KCNQ5: variants seen among roughly 807,000 people sequenced by gnomAD.
The protein encoded by KCNQ5 is potassium voltage-gated channel subfamily KQT member 5.
In KCNQ5, 30 loss-of-function variants were observed where a neutral mutation model predicts 98.2. That is an observed-to-expected ratio of 0.31 (90% CI 0.23 to 0.41). The LOEUF (loss-of-function observed/expected upper bound fraction) is 0.41. KCNQ5 is among the 10% of genes least tolerant of loss of function. The pLI is 1.00. For synonymous variants in KCNQ5, 458 were observed against 449.4 expected, an observed-to-expected ratio of 1.02 and a Z score of -0.24; for missense variants, 835 against 1,182.5, an observed-to-expected ratio of 0.71 and a Z score of 4.31.
intron 1 of KCNQ5, among the ~76,000 whole-genome samples, chr6:72,701,069 C>T (rs962748987): frequency 6.6e-6 from 1 of 152,094 alleles, no homozygotes; most frequent in African/African-American, 2.4e-5. Context: ...GACTTTAATA[C>T]CAGAGATATG....
intron 1 of KCNQ5, among the ~76,000 whole-genome samples, chr6:72,790,511 T>C (rs1197122733): frequency 6.6e-6 from 1 of 152,168 alleles, no homozygotes; most frequent in African/African-American, 2.4e-5. Context: ...GAAAGGGTAG[T>C]GATGGGTGCG....
At chr6:72,880,362 G>A (rs1262106571) in intron 1 of KCNQ5, among the ~76,000 whole-genome samples, 1 of 152,144 alleles carries the variant, frequency 6.6e-6, no homozygotes. Flanking sequence ...TGGTGGAAGG[G>A]GCGAGGGGTC....
chr6:72,834,601 T>G (rs1776422747), intron 1 of KCNQ5, among the ~76,000 whole-genome samples: 1 of 152,224 alleles, frequency 6.6e-6, no homozygotes, highest in East Asian at 1.9e-4. Context: ...ATAAGAAGAC[T>G]GAAGCACAAT....
chr6:72,706,540 C>T (rs1292604589), intron 1 of KCNQ5, among the ~76,000 whole-genome samples: 1 of 151,968 alleles, frequency 6.6e-6, no homozygotes, highest in Non-Finnish European at 1.5e-5. Flanking sequence ...CAATCTGGAA[C>T]TATTTGTTTC....
chr6:73,145,841 C>T (rs542730899), intron 10 of KCNQ5, among the ~76,000 whole-genome samples: 77 of 152,278 alleles, frequency 5.1e-4, no homozygotes, highest in Non-Finnish European at 8.7e-4. Context: ...ACAGGAAGCA[C>T]GCCTGGGATG....
chr6:73,192,807 A>G, intron 13 of KCNQ5, 116 bp downstream of exon 13: 1 of 944,728 alleles, frequency 1.1e-6, no homozygotes. Context: ...TCACAAAAAG[A>G]GTGAATAAAA....
rs113747080 is a variant in KCNQ5 at position 72,653,860 on chromosome 6, T to A, written c.398+31273T>A. Among the ~76,000 whole-genome samples, 220 of 152,216 alleles carry A rather than the reference T, an allele frequency of 1.4e-3. 1 individual carries two copies. Among genetic ancestry groups the A allele is most frequent in the African/African-American group, 5.1e-3 (210 of 41,566 alleles). On this transcript the variant is annotated intron_variant, in intron 1 of 13. Coordinates refer to ENST00000370398, the MANE Select transcript of KCNQ5 (RefSeq NM_019842.4). ...CATATTTGGATATCAGATAGTTTCA[T>A]ATCAAATTACATATCTTTGTACTCA...
At chr6:72,954,754 G>A (rs1218235418) in intron 1 of KCNQ5, among the ~76,000 whole-genome samples, 1 of 152,158 alleles carries the variant, frequency 6.6e-6, no homozygotes, top group Non-Finnish European at 1.5e-5. Context: ...GGCAGAATAA[G>A]TTAGTTTAAA....
At chr6:72,830,831 C>G (rs755969979) in intron 1 of KCNQ5, among the ~76,000 whole-genome samples, 3 of 152,116 alleles carry the variant, frequency 2.0e-5, no homozygotes, top group African/African-American at 7.2e-5. Context: ...TTGCAATCTA[C>G]TCATCTGACA....
intron 1 of KCNQ5, among the ~76,000 whole-genome samples, chr6:72,814,704 C>A (rs1447387014): frequency 1.3e-5 from 2 of 152,180 alleles, no homozygotes; most frequent in African/African-American, 4.8e-5. Context: ...AGCCTAGAGA[C>A]ATAGTCTCAG....
intron 9 of KCNQ5, among the ~76,000 whole-genome samples, chr6:73,126,748 A>C (rs1323997852): frequency 6.6e-6 from 1 of 152,178 alleles, no homozygotes; most frequent in Non-Finnish European, 1.5e-5. Flanking sequence ...ACTATTACTT[A>C]GCCTAGATTC....
At chr6:73,134,075 G>A (rs1776358257) in intron 10 of KCNQ5, 1 of 452,742 alleles carries the variant, frequency 2.2e-6, no homozygotes, top group African/African-American at 2.0e-5. Context: ...AACAATGAAG[G>A]TGCTCTTTCC....
intron 1 of KCNQ5, among the ~76,000 whole-genome samples, chr6:72,751,596 T>C (rs1013200632): frequency 1.2e-4 from 19 of 152,114 alleles, no homozygotes; most frequent in Admixed American, 7.9e-4. Context: ...ATCACTTTAA[T>C]ATAGCTCATC....
chr6:72,971,587 G>C (rs1030295871), intron 1 of KCNQ5, among the ~76,000 whole-genome samples: 2 of 152,168 alleles, frequency 1.3e-5, no homozygotes, highest in African/African-American at 2.4e-5. Context: ...CAAAGACCTG[G>C]AACCAACTCA....
chr6:72,622,514 C>A lies in KCNQ5; in HGVS notation c.325C>A (p.Arg109=). ...GAGCTGCCGGCGCAACGTCAAGTAC[C>A]GGCGGGTGCAGAACTACCTGTACAA... ...SQSCRRNVKY[R]RVQNYLYNVL... is the part of the protein sequence containing the mutation. Residue 109 remains arginine, a synonymous_variant, in exon 1 of 14, where the codon CGG becomes AGG. Transcript: ENST00000370398. This position sits in a 1 kb window ranked among gnomAD's most constrained non-coding sequence, Gnocchi z 6.0. The A allele has an allele frequency of 6.2e-7, 1 of 1,600,254 alleles. No homozygotes were observed. Among genetic ancestry groups the A allele is most frequent in the South Asian group, 1.1e-5 (1 of 89,546 alleles).
At chr6:73,107,500 G>C (rs1775051945) in intron 6 of KCNQ5, among the ~76,000 whole-genome samples, 1 of 152,182 alleles carries the variant, frequency 6.6e-6, no homozygotes. Context: ...TGTGTATCCT[G>C]TCAGTAAAAA....
intron 1 of KCNQ5, among the ~76,000 whole-genome samples, chr6:72,718,564 C>T (rs753944063): frequency 6.7e-6 from 1 of 150,288 alleles, no homozygotes; most frequent in African/African-American, 2.5e-5. Flanking sequence ...GATTCTCCTG[C>T]CTCAGCCTCC....
At chr6:73,188,926 C>G (rs554809961) in intron 11 of KCNQ5, among the ~76,000 whole-genome samples, 1 of 141,238 alleles carries the variant, frequency 7.1e-6, no homozygotes, top group East Asian at 2.1e-4. Context: ...GAAATTACTA[C>G]GAGCTGAGAT....
chr6:72,974,834 G>A (rs2150289008), intron 1 of KCNQ5, among the ~76,000 whole-genome samples: 1 of 152,028 alleles, frequency 6.6e-6, no homozygotes, highest in Non-Finnish European at 1.5e-5. Context: ...CCGCCTCCCG[G>A]GTTCAAGCAA....
Sources: gnomAD v4.1 joint callset for allele counts (sites outside exome capture counted in the v4.1 genomes callset) on GRCh38, gnomAD v4.1.1 for gene constraint, Gnocchi (gnomAD v3.1) non-coding constraint, MANE v1.5 for transcripts, NCBI Gene and HGNC (gene_info 2026-07-23, HGNC 2026-07-21) for gene names.